The following NCAM1 variants were observed in gnomAD, a reference collection of about 807,000 sequenced individuals.
The protein encoded by NCAM1 is antigen recognized by monoclonal antibody 5.1H11.
NCAM1 carries 14 observed loss-of-function variants against 109.8 expected under a neutral mutation model. The ratio of observed to expected loss-of-function variants is 0.13; its 90% CI spans 0.08 to 0.20. The LOEUF (loss-of-function observed/expected upper bound fraction) is 0.20, where lower values mean the gene tolerates loss of function less well. Ranked by LOEUF, NCAM1 falls within the 10% of genes least tolerant of loss-of-function variation. NCAM1 has a pLI of 1.00. For synonymous variants in NCAM1, 418 were observed against 442.9 expected (o/e 0.94, Z 0.70); for missense variants, 774 against 1,109.9 (o/e 0.70, Z 4.30).
In NCAM1 at chr11:113,164,043, C is replaced by T. The variant is rs1286984447; in HGVS notation, c.53-38336C>T. The stretch of plus-strand genomic sequence containing the variant: ...CTTGCAAGGTTGGATGGAGCATCCT[C>T]CCTCCCCTTGTGCAGATATCACTGC... On this transcript the variant is annotated intron_variant, in intron 1 of 19. Transcript: ENST00000316851. 2.0e-5 allele frequency among the ~76,000 whole-genome samples: 3 copies of T among 152,272 alleles called. No individual in the cohort carries two copies. The East Asian group carries it at 5.8e-4, about 30-fold the overall frequency.
chr11:113,269,176 G>A (rs1280429950), intron 17 of NCAM1, among the ~76,000 whole-genome samples: 1 of 152,046 alleles, frequency 6.6e-6, no homozygotes, highest in African/African-American at 2.4e-5. Flanking sequence ...CAGGCAACTA[G>A]TGTCAATCGT....
At chr11:113,271,458 G>A (rs1946273178) in intron 18 of NCAM1, among the ~76,000 whole-genome samples, 1 of 151,350 alleles carries the variant, frequency 6.6e-6, no homozygotes, top group South Asian at 2.1e-4. Flanking sequence ...ATGTATTTGA[G>A]CAATGATCTG....
intron 1 of NCAM1, among the ~76,000 whole-genome samples, chr11:113,058,505 A>C (rs939946277): frequency 6.6e-6 from 1 of 152,170 alleles, no homozygotes; most frequent in Non-Finnish European, 1.5e-5. Flanking sequence ...CTATGCCATG[A>C]AGCACTGACT....
chr11:113,172,433 T>C (rs1555106398), intron 1 of NCAM1, among the ~76,000 whole-genome samples: 1 of 152,226 alleles, frequency 6.6e-6, no homozygotes, highest in African/African-American at 2.4e-5. Flanking sequence ...TCTGGAATTA[T>C]TATTTTCTGT....
At chr11:113,032,441 T>A (rs1227276818) in intron 1 of NCAM1, among the ~76,000 whole-genome samples, 6 of 152,044 alleles carry the variant, frequency 3.9e-5, no homozygotes, top group Non-Finnish European at 7.4e-5. Flanking sequence ...CTTCCCAGAA[T>A]CCCCTGCATC....
At position 113,207,167 on chromosome 11, in the gene NCAM1, T is replaced by A. The variant is rs187975390; in HGVS notation, c.629-94T>A. ...TGCACACGACGTTTGTCCCACAGGC[T>A]GAGAACTCCTGACCTGGAGTGGTGT... On this transcript the variant is annotated intron_variant, in intron 5 of 19. Coordinates refer to ENST00000316851, the MANE Select transcript of NCAM1 (RefSeq NM_181351.5). The A allele has an allele frequency of 3.8e-3, 3,567 of 928,204 alleles. 67 individuals carry two copies. Among genetic ancestry groups the A allele is most frequent in the South Asian group, 0.026 (1,689 of 66,210 alleles). 57.5% of individuals were successfully genotyped at this position (928,204 alleles called of 1,614,324 possible).
chr11:113,221,057 A>C (rs558547963), intron 8 of NCAM1, among the ~76,000 whole-genome samples: 21 of 152,326 alleles, frequency 1.4e-4, no homozygotes, highest in African/African-American at 4.8e-4. Flanking sequence ...AAGATTAGGA[A>C]AACCTGAACC....
chr11:113,079,431 C>T (rs782292452), intron 1 of NCAM1, among the ~76,000 whole-genome samples: 5 of 152,100 alleles, frequency 3.3e-5, no homozygotes, highest in Non-Finnish European at 5.9e-5. Context: ...CTTTTATAAG[C>T]CTCCCTGGTT....
intron 1 of NCAM1, among the ~76,000 whole-genome samples, chr11:113,170,616 TTTG>T (rs1345542755): frequency 2.0e-5 from 3 of 152,100 alleles, no homozygotes; most frequent in African/African-American, 4.8e-5. Context: ...GAGAGTGATT[TTTG>T]TTGTTGTTAT....
intron 17 of NCAM1, chr11:113,262,709 C>T: frequency 5.2e-6 from 5 of 954,298 alleles, no homozygotes; most frequent in South Asian, 2.0e-5. Context: ...TCTACCTTCC[C>T]TTTCCTTCTG....
chr11:113,123,551 ATGGC>A (rs1361356522), intron 1 of NCAM1, among the ~76,000 whole-genome samples: 3 of 152,106 alleles, frequency 2.0e-5, no homozygotes, highest in African/African-American at 7.2e-5. Flanking sequence ...ACCACTGACC[ATGGC>A]TGCCATCCTC....
chr11:113,098,611 T>C (rs1939718441), intron 1 of NCAM1, among the ~76,000 whole-genome samples: 1 of 152,080 alleles, frequency 6.6e-6, no homozygotes, highest in Non-Finnish European at 1.5e-5. Flanking sequence ...GGACAGGGAA[T>C]TATTTGCTTT....
intron 1 of NCAM1, among the ~76,000 whole-genome samples, chr11:113,078,692 C>T (rs1938644385): frequency 6.6e-6 from 1 of 152,082 alleles, no homozygotes; most frequent in East Asian, 1.9e-4. Flanking sequence ...TAGGCCATCC[C>T]ATGTGGCTGT....
intron 1 of NCAM1, among the ~76,000 whole-genome samples, chr11:113,089,340 G>T (rs1259367275): frequency 1.2e-4 from 18 of 150,598 alleles, no homozygotes; most frequent in Admixed American, 1.1e-3. Flanking sequence ...TAAGTCTTTG[G>T]ATCTTTCCCT....
chr11:113,210,005 G>A (rs1263322283), intron 7 of NCAM1, among the ~76,000 whole-genome samples: 1 of 152,092 alleles, frequency 6.6e-6, no homozygotes, highest in Non-Finnish European at 1.5e-5. Flanking sequence ...TGTGGACAGG[G>A]GCTGTGTCTG....
chr11:113,149,767 C>G (rs539868739), intron 1 of NCAM1, among the ~76,000 whole-genome samples: 1 of 152,190 alleles, frequency 6.6e-6, no homozygotes, highest in East Asian at 1.9e-4. Context: ...TGTTTCCTAG[C>G]CAGAGAACAA....
At chr11:113,163,273 G>A (rs904507163) in intron 1 of NCAM1, among the ~76,000 whole-genome samples, 2 of 152,182 alleles carry the variant, frequency 1.3e-5, no homozygotes, top group Non-Finnish European at 1.5e-5. Context: ...AATAAATACC[G>A]CAAAAGTGCT....
chr11:112,994,689 G>A (rs539966167), intron 1 of NCAM1, among the ~76,000 whole-genome samples: 82 of 152,166 alleles, frequency 5.4e-4, no homozygotes, highest in African/African-American at 1.8e-3. Context: ...TAGAGTACCC[G>A]GGAGTTCTGC....
Position 113,115,850 on chromosome 11 carries a change from G to A in NCAM1, c.53-86529G>A, listed in dbSNP as rs554593997. On this transcript the variant is annotated intron_variant, in intron 1 of 19. Transcript: ENST00000316851. ...TAAATGGTGGGATGTCTCTTTCTTA[G>A]TTTTTAATTGTGGGAAAATACACAT... Among the ~76,000 whole-genome samples, 12 of 152,298 alleles carry A rather than the reference G, an allele frequency of 7.9e-5. No homozygotes were observed. The South Asian group carries it at 2.1e-3, about 26-fold the overall frequency.
Sources: gnomAD v4.1 joint callset for allele counts (sites outside exome capture counted in the v4.1 genomes callset) on GRCh38, gnomAD v4.1.1 for gene constraint, MANE v1.5 for transcripts, NCBI Gene and HGNC (gene_info 2026-07-23, HGNC 2026-07-21) for gene names.